The following PCDH11Y variants were observed in gnomAD, a reference collection of about 807,000 sequenced individuals.
PCDH11Y encodes the protein protocadherin 11 Y-linked.
For synonymous variants in PCDH11Y, 9 were observed against 83.6 expected, an observed-to-expected ratio of 0.11 and a Z score of 4.87; for missense variants, 12 against 224.8, an observed-to-expected ratio of 0.05 and a Z score of 6.05.
chrY:5,257,660 C>T, intron 2 of PCDH11Y, among the ~76,000 whole-genome samples: 11 of 32,075 alleles, frequency 3.4e-4, no homozygotes, highest in Non-Finnish European at 7.6e-4. Context: ...CTGGGCCCAG[C>T]AAATGATCAG....
chrY:5,535,935 T>A (rs2124692209), intron 3 of PCDH11Y, among the ~76,000 whole-genome samples: 1 of 32,585 alleles, frequency 3.1e-5, no homozygotes, highest in East Asian at 8.1e-4. Flanking sequence ...TTTATTTCTT[T>A]ATTTTTTGAG....
At chrY:5,636,067 A>G (rs2124704347) in intron 4 of PCDH11Y, among the ~76,000 whole-genome samples, 6 of 34,358 alleles carry the variant, frequency 1.7e-4, no homozygotes, top group African/African-American at 6.8e-4. Context: ...GGACCATTTC[A>G]GAGAAAAGGG....
chrY:5,575,669 G>T, intron 3 of PCDH11Y, among the ~76,000 whole-genome samples: 1 of 33,606 alleles, frequency 3.0e-5, no homozygotes, highest in African/African-American at 1.2e-4. Context: ...ACTCAAAAAG[G>T]TTTGTTGACA....
Position 5,383,865 on chromosome Y carries a change from C to G in PCDH11Y, c.3130-117192C>G, listed in dbSNP as rs2124674627. ...ATCTCCTGACCTCGTGATCTGCTCACCTCGGCCTCCCAAAGTGCTGGGATT... is the reference window on the plus strand; with the variant it reads ...ATCTCCTGACCTCGTGATCTGCTCAGCTCGGCCTCCCAAAGTGCTGGGATT... On this transcript the variant is annotated intron_variant, in intron 2 of 4. Transcript: ENST00000400457. Among the ~76,000 whole-genome samples, 8 of 33,176 alleles carry G rather than the reference C, an allele frequency of 2.4e-4. No homozygotes were observed. The East Asian group carries it at 6.5e-3, about 27-fold the overall frequency. 89.0% of individuals were successfully genotyped at this position (33,176 alleles called of 37,273 possible).
intron 2 of PCDH11Y, among the ~76,000 whole-genome samples, chrY:5,178,212 A>G: frequency 3.0e-5 from 1 of 33,076 alleles, no homozygotes; most frequent in African/African-American, 1.2e-4. Context: ...TCCACCAGTA[A>G]TTTCTTGTTA....
chrY:5,376,633 TAAAC>T (rs2053198062), intron 2 of PCDH11Y, among the ~76,000 whole-genome samples: 1 of 33,557 alleles, frequency 3.0e-5, no homozygotes, highest in Non-Finnish European at 7.3e-5. Flanking sequence ...TTTTCAGAGA[TAAAC>T]AAAAAACTTC....
At chrY:5,641,265 A>C in intron 4 of PCDH11Y, among the ~76,000 whole-genome samples, 1 of 33,661 alleles carries the variant, frequency 3.0e-5, no homozygotes, top group Non-Finnish European at 7.4e-5. Context: ...GTTAACTGGA[A>C]TATAACTTTT....
At chrY:5,544,556 GA>G (rs2053411253) in intron 3 of PCDH11Y, among the ~76,000 whole-genome samples, 3 of 32,379 alleles carry the variant, frequency 9.3e-5, no homozygotes, top group African/African-American at 3.6e-4. Context: ...TGGAGTTTAA[GA>G]CTTAAAATAG....
intron 2 of PCDH11Y, among the ~76,000 whole-genome samples, chrY:5,178,241 G>A: frequency 3.0e-5 from 1 of 33,170 alleles, no homozygotes; most frequent in African/African-American, 1.2e-4. Flanking sequence ...TCTCATTAGA[G>A]GTCTAACCAC....
chrY:5,708,610 C>A, intron 4 of PCDH11Y, among the ~76,000 whole-genome samples: 2 of 32,898 alleles, frequency 6.1e-5, no homozygotes, highest in African/African-American at 2.4e-4. Context: ...TATTCGCAAG[C>A]CTCATGGTAA....
At chrY:5,186,580 G>A (rs2052906376) in intron 2 of PCDH11Y, among the ~76,000 whole-genome samples, 1 of 31,983 alleles carries the variant, frequency 3.1e-5, no homozygotes, top group Non-Finnish European at 7.6e-5. Context: ...ATCAGATCTC[G>A]TGAGAATTCA....
At chrY:5,321,988 G>T in intron 2 of PCDH11Y, among the ~76,000 whole-genome samples, 1 of 30,267 alleles carries the variant, frequency 3.3e-5, no homozygotes, top group Non-Finnish European at 7.8e-5. Flanking sequence ...AATTGAAAAA[G>T]TTCTCAGGAA....
intron 1 of PCDH11Y, among the ~76,000 whole-genome samples, chrY:5,060,111 G>C: frequency 3.1e-5 from 1 of 32,419 alleles, no homozygotes; most frequent in Non-Finnish European, 7.5e-5. Flanking sequence ...AAATCCCTTT[G>C]TCCTGCAGAA....
intron 2 of PCDH11Y, among the ~76,000 whole-genome samples, chrY:5,488,111 C>T (rs2053335633): frequency 5.1e-4 from 17 of 33,104 alleles, no homozygotes; most frequent in Non-Finnish European, 3.7e-4. Context: ...ATAGGGCTAA[C>T]TTAATTCTTT....
chrY:5,258,923 G>T (rs2124657784), intron 2 of PCDH11Y, among the ~76,000 whole-genome samples: 1 of 33,284 alleles, frequency 3.0e-5, no homozygotes, highest in African/African-American at 1.2e-4. Flanking sequence ...TTGTGTTGGG[G>T]TCTATTACTC....
chrY:5,142,244 TA>T, intron 2 of PCDH11Y, among the ~76,000 whole-genome samples: 1 of 32,241 alleles, frequency 3.1e-5, no homozygotes, highest in Middle Eastern at 0.014. Context: ...TGGCAATCAC[TA>T]AAAAGTCAGG....
intron 2 of PCDH11Y, among the ~76,000 whole-genome samples, chrY:5,480,051 C>T: frequency 3.1e-5 from 1 of 32,298 alleles, no homozygotes; most frequent in Non-Finnish European, 7.5e-5. Context: ...CAGTCTCATT[C>T]TCCATCCAGT....
chrY:5,713,511 T>C, intron 4 of PCDH11Y, among the ~76,000 whole-genome samples: 1 of 31,909 alleles, frequency 3.1e-5, no homozygotes, highest in East Asian at 8.4e-4. Flanking sequence ...GTTATTGGTG[T>C]GTGTTCCAGA....
chrY:5,161,622 T>C (rs2052874725), intron 2 of PCDH11Y, among the ~76,000 whole-genome samples: 18 of 33,424 alleles, frequency 5.4e-4, no homozygotes, highest in African/African-American at 1.3e-3. Context: ...TTCCCTTTAA[T>C]ATCTGAAGAC....
Sources: allele counts gnomAD v4.1 joint callset (sites outside exome capture counted in the v4.1 genomes callset), GRCh38; gene constraint gnomAD v4.1.1; transcripts MANE v1.5; gene names NCBI Gene and HGNC (gene_info 2026-07-23, HGNC 2026-07-21).